Variants in SLC8A3 observed in about 807,000 individuals in gnomAD.
The protein encoded by SLC8A3 is sodium/calcium exchanger 3.
In SLC8A3, 37 loss-of-function variants were observed where a neutral mutation model predicts 65.4. The observed-to-expected ratio is 0.57, with a 90% CI of 0.44 to 0.74. The LOEUF is 0.74. SLC8A3 is among the 30% of genes least tolerant of loss of function. The pLI is 0.00. For synonymous variants in SLC8A3, 461 were observed against 444.5 expected, an observed-to-expected ratio of 1.04 and a Z score of -0.47; for missense variants, 1,112 against 1,172.1, an observed-to-expected ratio of 0.95 and a Z score of 0.75.
At chr14:70,083,914 A>G (rs1271395757) in intron 2 of SLC8A3, among the ~76,000 whole-genome samples, 1 of 152,222 alleles carries the variant, frequency 6.6e-6, no homozygotes, top group African/African-American at 2.4e-5. Context: ...AAGATGGTCC[A>G]TTTCCATGGA....
intron 2 of SLC8A3, among the ~76,000 whole-genome samples, chr14:70,063,586 C>T (rs1158204941): frequency 6.6e-6 from 1 of 152,164 alleles, no homozygotes; most frequent in Non-Finnish European, 1.5e-5. Flanking sequence ...CTTGAGCATC[C>T]CTCGTATGGA....
intron 2 of SLC8A3, among the ~76,000 whole-genome samples, chr14:70,093,163 A>G (rs1891920084): frequency 6.6e-6 from 1 of 152,184 alleles, no homozygotes; most frequent in Admixed American, 6.5e-5. Context: ...TTTGGGTCTG[A>G]GTTTATTCTG....
intron 3 of SLC8A3, among the ~76,000 whole-genome samples, chr14:70,059,781 TCA>T (rs1482871863): frequency 6.6e-6 from 1 of 152,110 alleles, no homozygotes; most frequent in African/African-American, 2.4e-5. Flanking sequence ...CACCTGTCTG[TCA>T]GGGATCAGCA....
chr14:70,169,691 TGGG>T (rs11291451), intron 1 of SLC8A3, among the ~76,000 whole-genome samples: 4 of 103,544 alleles, frequency 3.9e-5, no homozygotes, highest in African/African-American at 1.5e-4. Context: ...AAAAAAAAAG[TGGG>T]GGGGGGGGCG....
chr14:70,168,132 G>T lies in SLC8A3; in HGVS notation c.291C>A (p.Arg97=), dbSNP rs755801947. 6 of 1,614,106 alleles carry T rather than the reference G, an allele frequency of 3.7e-6. No homozygotes were observed. The highest frequency in any genetic ancestry group is 5.1e-6 in the Non-Finnish European group (6 of 1,180,018). Reference sequence around the variant, plus strand: ...TGATGACTTCAATAGATGCCATGAAGCGGTCAGCAATGATGGACACCCCAA... The same window carrying T: ...TGATGACTTCAATAGATGCCATGAATCGGTCAGCAATGATGGACACCCCAA... ...MFLGVSIIAD[R]FMASIEVITS... The change falls in exon 2 of 7, where the codon CGC becomes CGA. Residue 97 remains arginine, a synonymous_variant. Coordinates refer to ENST00000356921, the MANE Select transcript of SLC8A3 (RefSeq NM_182932.3).
intron 3 of SLC8A3, among the ~76,000 whole-genome samples, chr14:70,056,304 C>G (rs898830498): frequency 2.0e-5 from 3 of 152,136 alleles, no homozygotes; most frequent in African/African-American, 7.2e-5. Context: ...TAGCATTGTG[C>G]AAGAGTGGAA....
At chr14:70,171,394 G>A (rs1412876192) in intron 1 of SLC8A3, among the ~76,000 whole-genome samples, 1 of 152,212 alleles carries the variant, frequency 6.6e-6, no homozygotes, top group Non-Finnish European at 1.5e-5. Context: ...CCCTGTAGAC[G>A]CTTTGTGGCA....
chr14:70,098,040 G>A (rs1892304325), intron 2 of SLC8A3, among the ~76,000 whole-genome samples: 1 of 152,176 alleles, frequency 6.6e-6, no homozygotes, highest in Non-Finnish European at 1.5e-5. Flanking sequence ...GTCTGTGGGA[G>A]GGGAAATCTG....
At chr14:70,070,692 A>T (rs1270236295) in intron 2 of SLC8A3, among the ~76,000 whole-genome samples, 1 of 152,142 alleles carries the variant, frequency 6.6e-6, no homozygotes, top group Non-Finnish European at 1.5e-5. Context: ...TAAGAGAGTG[A>T]TCACCCCATT....
At chr14:70,172,995 G>A (rs986120178) in intron 1 of SLC8A3, among the ~76,000 whole-genome samples, 6 of 152,182 alleles carry the variant, frequency 3.9e-5, no homozygotes, top group South Asian at 2.1e-4. Flanking sequence ...TGCTGTGGGC[G>A]TGGGATTACA....
At position 70,168,276 on chromosome 14, in the gene SLC8A3, T is replaced by C. The variant is rs1277862244; in HGVS notation, c.147A>G (p.Ser49=). The change falls in exon 2 of 7, where the codon TCA becomes TCG. Residue 49 remains serine, a synonymous_variant. Coordinates refer to ENST00000356921, the MANE Select transcript of SLC8A3 (RefSeq NM_182932.3). ...CACCCTCCTTGCAGTCCGATGACCC[T>C]GAACAGGACTCATTGTTCTGCCCTG... ...PSTGQNNESC[S]GSSDCKEGVI... 1 of 1,614,064 alleles carries C rather than the reference T, an allele frequency of 6.2e-7. No homozygotes were observed. Among genetic ancestry groups the C allele is most frequent in the East Asian group, 2.2e-5 (1 of 44,896 alleles).
At chr14:70,073,768 A>G (rs1401572039) in intron 2 of SLC8A3, among the ~76,000 whole-genome samples, 1 of 152,172 alleles carries the variant, frequency 6.6e-6, no homozygotes, top group African/African-American at 2.4e-5. Flanking sequence ...TACACGTGAA[A>G]CACTGGGTCC....
At chr14:70,143,199 T>C (rs17107829) in intron 2 of SLC8A3, among the ~76,000 whole-genome samples, 5,809 of 152,294 alleles carry the variant, frequency 0.038, 368 homozygotes, top group African/African-American at 0.13. Context: ...GCGTTAAGTT[T>C]TGAGGGCCTA....
chr14:70,089,183 C>T (rs776961500), intron 2 of SLC8A3, among the ~76,000 whole-genome samples: 4 of 152,144 alleles, frequency 2.6e-5, no homozygotes, highest in African/African-American at 4.8e-5. Flanking sequence ...TCTTCCTTGC[C>T]CAGTTCCACA....
rs74061045 is a variant in SLC8A3 at position 70,067,506 on chromosome 14, G to A, written c.1785-6567C>T. Among the ~76,000 whole-genome samples the A allele has an allele frequency of 9.5e-3, 1,443 of 152,278 alleles. 32 individuals are homozygous for A. Among genetic ancestry groups the A allele is most frequent in the African/African-American group, 0.033 (1,379 of 41,540 alleles). ...TCTGACTTGCTACAGTAGTCCCAGT[G>A]CCCAGCACAGTGCCTGGCATACAGA... On this transcript the variant is annotated intron_variant, in intron 2 of 6. Coordinates refer to ENST00000356921, the MANE Select transcript of SLC8A3 (RefSeq NM_182932.3).
intron 2 of SLC8A3, among the ~76,000 whole-genome samples, chr14:70,127,747 C>T (rs1278606062): frequency 6.6e-6 from 1 of 152,102 alleles, no homozygotes; most frequent in Non-Finnish European, 1.5e-5. Context: ...GGGATTTGCC[C>T]ACAGTAGTGT....
In SLC8A3 at chr14:70,166,933, C is replaced by A. The variant is rs139479097; in HGVS notation, c.1490G>T (p.Gly497Val). 6.2e-7 allele frequency: 1 copy of A among 1,614,144 alleles called. No individual in the cohort carries two copies. The highest frequency in any genetic ancestry group is 8.5e-7 in the Non-Finnish European group (1 of 1,180,020). Reference protein sequence around the residue: ...VRIEEEQPEEGMPPAIFNSLP... With the variant: ...VRIEEEQPEEVMPPAIFNSLP... ...ACTGTTGAATATTGCTGGAGGCATC[C>A]CCTCCTCTGGCTGCTCCTCCTCTAT... The change falls in exon 2 of 7, where the codon GGG becomes GTG. Residue 497 changes from glycine to valine, a missense_variant. Transcript: ENST00000356921.
intron 2 of SLC8A3, among the ~76,000 whole-genome samples, chr14:70,088,378 T>C (rs72729869): frequency 6.6e-6 from 1 of 152,178 alleles, no homozygotes; most frequent in Admixed American, 6.5e-5. Context: ...TTCCTAAGGA[T>C]TGCTTTAGAA....
At chr14:70,059,889 C>T (rs552332501) in intron 3 of SLC8A3, among the ~76,000 whole-genome samples, 12 of 152,278 alleles carry the variant, frequency 7.9e-5, no homozygotes, top group Admixed American at 2.6e-4. Flanking sequence ...CCCCTGGCTA[C>T]GGGAATTTTC....
Sources: gnomAD v4.1 joint callset for allele counts (sites outside exome capture counted in the v4.1 genomes callset) on GRCh38, gnomAD v4.1.1 for gene constraint, MANE v1.5 for transcripts, NCBI Gene and HGNC (gene_info 2026-07-23, HGNC 2026-07-21) for gene names.